The following SHPRH variants were observed in gnomAD, a reference collection of about 807,000 sequenced individuals.
The protein encoded by SHPRH is E3 ubiquitin-protein ligase SHPRH.
SHPRH carries 106 observed loss-of-function variants against 202.5 expected under a neutral mutation model. That is an observed-to-expected ratio of 0.52 (90% CI 0.45 to 0.62). SHPRH has a LOEUF of 0.62. SHPRH is among the 20% of genes least tolerant of loss of function. The probability of loss-of-function intolerance (pLI) is 0.00; values close to 1 mark genes in which losing one functional copy is unlikely to be tolerated. For synonymous variants in SHPRH, 729 were observed against 686.0 expected, an observed-to-expected ratio of 1.06 and a Z score of -0.98; for missense variants, 1,710 against 2,020.0, an observed-to-expected ratio of 0.85 and a Z score of 2.94.
intron 28 of SHPRH, among the ~76,000 whole-genome samples, chr6:145,888,365 A>C (rs1480965867): frequency 6.6e-6 from 1 of 152,148 alleles, no homozygotes; most frequent in Non-Finnish European, 1.5e-5. Context: ...GCAAACTGAA[A>C]AAAGAGTGAT....
In SHPRH at chr6:145,932,503, C is replaced by T. The variant is rs117465744; in HGVS notation, c.3112+554G>A. ...ATAACACTATAACTTTACACATATA[C>T]GTTCTGTGTGTGTGTGTGGGAGGGT... is the stretch of plus-strand genomic sequence containing the variant. On this transcript the variant is annotated intron_variant, in intron 14 of 29. Coordinates refer to ENST00000275233, the MANE Select transcript of SHPRH (RefSeq NM_001042683.3). Among the ~76,000 whole-genome samples, 635 of 152,122 alleles carry T rather than the reference C, an allele frequency of 4.2e-3. 18 individuals are homozygous for T. The East Asian group carries it at 0.071, about 17-fold the overall frequency.
downstream of SHPRH, chr6:145,883,658 C>G (rs1483466103): frequency 6.6e-6 from 1 of 152,194 alleles, no homozygotes; most frequent in Non-Finnish European, 1.5e-5. Context: ...AAACTGTTAA[C>G]TGATCTCACT....
intron 17 of SHPRH, 132 bp from the exon 18 acceptor site, chr6:145,923,917 G>T: frequency 1.2e-6 from 1 of 834,978 alleles, no homozygotes; most frequent in South Asian, 2.4e-5. Context: ...TATCACAGAG[G>T]GGAGACGAGT....
chr6:145,950,277 G>C lies in SHPRH; in HGVS notation c.969C>G (p.Ser323Arg). 6.2e-7 allele frequency: 1 copy of C among 1,612,810 alleles called. No homozygotes were observed. The highest frequency in any genetic ancestry group is 8.5e-7 in the Non-Finnish European group (1 of 1,179,242). The change falls in exon 4 of 30, where the codon AGC (serine) becomes AGG (arginine). Residue 323 changes from serine to arginine, a missense_variant. By Grantham distance (110) the Ser-to-Arg change is moderately radical. Transcript: ENST00000275233. ...TCTTATTCTTACCAGTAGCAGGACT[G>C]CTTCTGAAACACTCTTGTTGTAGCA... ...NWMLQQECFR[S>R]SPATESALHF...
chr6:145,877,114 A>G (rs1368377250), intron 2 of SHPRH: 1 of 152,012 alleles, frequency 6.6e-6, no homozygotes, highest in Non-Finnish European at 1.5e-5. Context: ...TCCATTTAAC[A>G]CTCCAGGTAC....
At chr6:145,934,869 T>A in intron 13 of SHPRH, 38 bp downstream of exon 13, 1 of 1,566,332 alleles carries the variant, frequency 6.4e-7, no homozygotes, top group South Asian at 1.2e-5. Context: ...TCTATTATGA[T>A]ATACCAACTG....
At chr6:145,942,143 G>A (rs1786850094) in intron 9 of SHPRH, among the ~76,000 whole-genome samples, 1 of 152,154 alleles carries the variant, frequency 6.6e-6, no homozygotes, top group South Asian at 2.1e-4. Flanking sequence ...AATCACAGAG[G>A]AGTTAAAACC....
At position 145,950,314 on chromosome 6, in the gene SHPRH, G is replaced by A. The variant is rs759674425; in HGVS notation, c.932C>T (p.Ala311Val). The change falls in exon 4 of 30, where the codon GCT becomes GTT. Residue 311 changes from alanine (A) to valine (V), a missense_variant. By Grantham distance (64) the Ala-to-Val change is moderately conservative. This residue lies in a region of SHPRH where 459 missense variants were observed against 426.5 expected (regional missense o/e 1.08). Transcript: ENST00000275233. ...IPVLRPYQRE[A>V]VNWMLQQECF... ...CTCTTGTTGTAGCATCCAATTGACAGCCTCTCTTTGGTAGGGTCTCAACAC... is the reference window on the plus strand; with the variant it reads ...CTCTTGTTGTAGCATCCAATTGACAACCTCTCTTTGGTAGGGTCTCAACAC... 1.2e-6 allele frequency: 2 copies of A among 1,613,136 alleles called. No homozygotes were observed. The highest frequency in any genetic ancestry group is 3.3e-5 in the Admixed American group (2 of 59,920).
chr6:145,945,784 A>G, intron 7 of SHPRH, 147 bp from the exon 8 acceptor site: 2 of 760,072 alleles, frequency 2.6e-6, no homozygotes, highest in Non-Finnish European at 3.8e-6. Context: ...TTGAAAAAAT[A>G]TGTAATAAAA....
chr6:145,929,019 A>T (rs6922507), intron 14 of SHPRH, among the ~76,000 whole-genome samples: 96,090 of 151,678 alleles, frequency 0.63, 30,953 homozygotes, highest in African/African-American at 0.73. Context: ...GAATAATTCA[A>T]TTAACAATTT....
At chr6:145,865,941 G>T (rs895625315) in intron 2 of SHPRH, among the ~76,000 whole-genome samples, 1 of 152,190 alleles carries the variant, frequency 6.6e-6, no homozygotes. Flanking sequence ...CCTGAATTTG[G>T]TGTCAGAAAG....
chr6:145,922,935 A>C, intron 18 of SHPRH, 99 bp from the exon 19 acceptor site: 1 of 1,335,030 alleles, frequency 7.5e-7, no homozygotes, highest in Non-Finnish European at 9.7e-7. Flanking sequence ...TGTTAAAGAA[A>C]CTGTTTGCTG....
chr6:145,887,986 T>C, intron 29 of SHPRH, 34 bp downstream of exon 29: 2 of 1,502,536 alleles, frequency 1.3e-6, no homozygotes, highest in Non-Finnish European at 1.9e-6. Context: ...CAGGAAAACC[T>C]TCCCCCTTCT....
Position 145,923,756 on chromosome 6 carries a change from A to G in SHPRH, c.3432T>C (p.Asn1144=). ...TAAATTCTATTGCTCTGTGGATCAC[A>G]TTTAGCCACCAAGGAGAATTAGAAT... ...KIHSNSPWWL[N]VIHRAIEFTI... is the part of the protein sequence containing the mutation. Residue 1144 remains asparagine, a synonymous_variant, in exon 18 of 30, where the codon AAT becomes AAC. Transcript: ENST00000275233. The G allele has an allele frequency of 6.2e-7, 1 of 1,610,286 alleles. No individual in the cohort carries two copies. Among genetic ancestry groups the G allele is most frequent in the Non-Finnish European group, 8.5e-7 (1 of 1,177,844 alleles).
rs192758538 is a variant in SHPRH, at chr6:145,948,795, G to A, written c.983-445C>T. Among the ~76,000 whole-genome samples, 14 of 152,070 alleles carry A rather than the reference G, an allele frequency of 9.2e-5. 1 individual carries two copies. The highest frequency in any genetic ancestry group is 5.3e-4 in the Admixed American group (8 of 15,238). ...CCGAATCAGACCTGACCTCTTCTACGGGTCTGAGAGTGGGAAGAAAGGCTT... is the reference window on the plus strand; with the variant it reads ...CCGAATCAGACCTGACCTCTTCTACAGGTCTGAGAGTGGGAAGAAAGGCTT... On this transcript the variant is annotated intron_variant, in intron 4 of 29. Transcript: ENST00000275233.
intron 1 of SHPRH, among the ~76,000 whole-genome samples, chr6:145,956,493 A>G (rs1305072566): frequency 2.0e-5 from 3 of 152,124 alleles, no homozygotes; most frequent in African/African-American, 2.4e-5. Context: ...AAGGTGAAAA[A>G]AAGATCAACA....
At chr6:145,921,040 G>A in intron 21 of SHPRH, 127 bp downstream of exon 21, 1 of 734,964 alleles carries the variant, frequency 1.4e-6, no homozygotes, top group Non-Finnish European at 2.2e-6. Context: ...TTCAGGCAAA[G>A]AGAAATTATG....
Position 145,922,159 on chromosome 6 carries a change from A to T in SHPRH, c.3782+127T>A, listed in dbSNP as rs566314078. 502 of 769,216 alleles carry T rather than the reference A, an allele frequency of 6.5e-4. 5 individuals are homozygous for T. The African/African-American group carries it at 8.0e-3, about 12-fold the overall frequency. 47.6% of individuals were successfully genotyped at this position (769,216 alleles called of 1,614,324 possible). A position where few individuals can be genotyped will look rare whatever the true frequency, so the allele number is the denominator to read the frequency against. On this transcript the variant is annotated intron_variant, in intron 20 of 29. Coordinates refer to ENST00000275233, the MANE Select transcript of SHPRH (RefSeq NM_001042683.3). ...ACAATCAAATACCAAAGGTGTACTA[A>T]TCAATTTAATTAAAGAAACAATATA...
At chr6:145,925,717 TA>T (rs1784816118) in intron 16 of SHPRH, among the ~76,000 whole-genome samples, 2 of 152,066 alleles carry the variant, frequency 1.3e-5, no homozygotes, top group African/African-American at 4.8e-5. Context: ...TAAAATAATT[TA>T]TAATATCACT....
Sources: allele counts gnomAD v4.1 joint callset (sites outside exome capture counted in the v4.1 genomes callset), GRCh38; gene constraint gnomAD v4.1.1; regional missense constraint gnomAD v4.1.1; transcripts MANE v1.5; gene names NCBI Gene and HGNC (gene_info 2026-07-23, HGNC 2026-07-21).